CLDN11: variants seen among roughly 807,000 people sequenced by gnomAD.
The protein encoded by CLDN11 is claudin 11.
CLDN11 carries 1 observed loss-of-function variant against 18.0 expected under a neutral mutation model. That is an observed-to-expected ratio of 0.06 (90% confidence interval 0.02 to 0.26). The LOEUF is 0.26. Among genes scored for constraint, CLDN11 ranks in the 10% least tolerant of loss-of-function variants. The pLI is 1.00. For missense variants in CLDN11, 172 were observed against 276.6 expected, an observed-to-expected ratio of 0.62 and a Z score of 2.68; for synonymous variants, 116 against 121.5, an observed-to-expected ratio of 0.96 and a Z score of 0.30.
At chr3:170,423,599 G>C (rs1738773055) in intron 2 of CLDN11, 1 of 421,058 alleles carries the variant, frequency 2.4e-6, no homozygotes, top group East Asian at 4.1e-5. Flanking sequence ...GGAAAGACCT[G>C]AAAGATGGAA....
chr3:170,431,051 T>A (rs1253056144), intron 2 of CLDN11, among the ~76,000 whole-genome samples: 2 of 152,146 alleles, frequency 1.3e-5, no homozygotes, highest in Non-Finnish European at 2.9e-5. Flanking sequence ...CTATTGTCAA[T>A]AAAAATCTAT....
intron 2 of CLDN11, among the ~76,000 whole-genome samples, chr3:170,424,558 C>A (rs1738802787): frequency 6.6e-6 from 1 of 152,164 alleles, no homozygotes; most frequent in Non-Finnish European, 1.5e-5. Context: ...CCCTCAGATG[C>A]TAGTTTCATT....
Position 170,432,521 on chromosome 3 carries a change from C to T in CLDN11, c.392-3C>T. 1 of 1,612,118 alleles carries T rather than the reference C, an allele frequency of 6.2e-7. No individual in the cohort carries two copies. The highest frequency in any genetic ancestry group is 8.5e-7 in the Non-Finnish European group (1 of 1,180,034). On this transcript the variant is annotated splice_polypyrimidine_tract_variant and splice_region_variant and intron_variant, in intron 2 of 2. Coordinates refer to ENST00000064724, the MANE Select transcript of CLDN11 (RefSeq NM_005602.6). ...CAGTCACCGCCTCTCCATGTCTCTCCAGCTCTCTGCGCCCTTGTTGCCACC... is the reference window on the plus strand; with the variant it reads ...CAGTCACCGCCTCTCCATGTCTCTCTAGCTCTCTGCGCCCTTGTTGCCACC...
chr3:170,418,912 G>A lies in CLDN11; in HGVS notation c.-155G>A. ...TGCGCCCTTCGCCGCTGAGCTCGCA[G>A]CCTCCGGCGCCCACCTCCACCTCCA... On this transcript the variant is annotated 5_prime_UTR_variant, in exon 1 of 3. Transcript: ENST00000064724. This position sits in a 1 kb window ranked among gnomAD's most constrained non-coding sequence, Gnocchi z 4.3. 1 of 598,148 alleles carries A rather than the reference G, an allele frequency of 1.7e-6. No individual in the cohort carries two copies. Among genetic ancestry groups the A allele is most frequent in the Non-Finnish European group, 2.9e-6 (1 of 341,320 alleles). 37.1% of individuals were successfully genotyped at this position (598,148 alleles called of 1,614,324 possible).
At chr3:170,431,395 G>A (rs1026547069) in intron 2 of CLDN11, among the ~76,000 whole-genome samples, 12 of 152,244 alleles carry the variant, frequency 7.9e-5, no homozygotes, top group Non-Finnish European at 1.3e-4. Flanking sequence ...ACTTTAATGT[G>A]CCATCTCAAC....
chr3:170,422,137 G>A (rs1044380342), intron 1 of CLDN11, among the ~76,000 whole-genome samples: 1 of 152,130 alleles, frequency 6.6e-6, no homozygotes, highest in Non-Finnish European at 1.5e-5. Context: ...GCAGCCTCTG[G>A]GGAGACAGCA....
chr3:170,424,946 CGT>C (rs932621957), intron 2 of CLDN11, among the ~76,000 whole-genome samples: 18 of 124,954 alleles, frequency 1.4e-4, no homozygotes, highest in Admixed American at 3.4e-4. Context: ...TGTGTGCGCG[CGT>C]GTGTGTGTGT....
intron 2 of CLDN11, among the ~76,000 whole-genome samples, chr3:170,426,814 C>G (rs1738865359): frequency 6.6e-6 from 1 of 152,140 alleles, no homozygotes; most frequent in Non-Finnish European, 1.5e-5. Flanking sequence ...CGGACCTTTG[C>G]TCTGTCGCCC....
rs1738662928 is a variant in CLDN11, at chr3:170,419,252, G to A, written c.186G>A (p.Leu62=). Residue 62 remains leucine (L), a synonymous_variant, in exon 1 of 3, where the codon CTG becomes CTA. Coordinates refer to ENST00000064724, the MANE Select transcript of CLDN11 (RefSeq NM_005602.6). This position sits in a 1 kb window ranked among gnomAD's most constrained non-coding sequence, Gnocchi z 8.6. ...LWADCVMATG[L]YHCKPLVDIL... ...CCGACTGCGTCATGGCCACGGGGCT[G>A]TACCACTGCAAGCCCCTGGTGGACA... 1.3e-6 allele frequency: 2 copies of A among 1,574,388 alleles called. No homozygotes were observed. Among genetic ancestry groups the A allele is most frequent in the South Asian group, 2.3e-5 (2 of 85,460 alleles).
At position 170,434,278 on chromosome 3, in the gene CLDN11, G is replaced by A. The variant is rs1321494299; in HGVS notation, c.*1522G>A. Among the ~76,000 whole-genome samples the A allele has an allele frequency of 2.6e-5, 4 of 152,144 alleles. No individual in the cohort carries two copies. The highest frequency in any genetic ancestry group is 9.7e-5 in the African/African-American group (4 of 41,426). ...CACGGTATTGCAGTGGTAATTTGTG[G>A]TCATGAAAGCATAACCTCAGTGCTC... On this transcript the variant is annotated 3_prime_UTR_variant, in exon 3 of 3. Transcript: ENST00000064724.
rs529384923 is a variant in CLDN11, at chr3:170,431,717, T to C, written c.392-807T>C. Among the ~76,000 whole-genome samples the C allele has an allele frequency of 7.2e-5, 11 of 152,336 alleles. No homozygotes were observed. In the East Asian group the frequency reaches 2.1e-3, roughly 29 times the overall value. On this transcript the variant is annotated intron_variant, in intron 2 of 2. Transcript: ENST00000064724. ...CTATTTCTTATTTTACTCTATAAAA[T>C]CAAAACCAAAATGAAGATTAGATTG...
At chr3:170,423,412 A>G (rs1738768781) in intron 2 of CLDN11, 85 bp downstream of exon 2, 1 of 1,495,546 alleles carries the variant, frequency 6.7e-7, no homozygotes, top group Non-Finnish European at 9.2e-7. Flanking sequence ...CTCAAGTTCA[A>G]GAGAAATGTG....
In CLDN11 at chr3:170,423,200, C is replaced by T. The variant is rs761408290; in HGVS notation, c.264C>T (p.Ala88=). The part of the protein sequence containing the change: ...VQACRALMIA[A]SVLGLPAILL... ...CCTGCCGCGCCCTGATGATTGCTGC[C>T]TCGGTCCTGGGTCTGCCGGCCATTT... The change falls in exon 2 of 3, where the codon GCC becomes GCT. Residue 88 remains alanine (A), a synonymous_variant. Coordinates refer to ENST00000064724, the MANE Select transcript of CLDN11 (RefSeq NM_005602.6). 2 of 1,614,216 alleles carry T rather than the reference C, an allele frequency of 1.2e-6. No individual in the cohort carries two copies. Among genetic ancestry groups the T allele is most frequent in the Middle Eastern group, 3.3e-4 (2 of 6,062 alleles).
chr3:170,427,734 A>G (rs908354756), intron 2 of CLDN11, among the ~76,000 whole-genome samples: 10 of 151,312 alleles, frequency 6.6e-5, no homozygotes, highest in African/African-American at 1.2e-4. Context: ...GCTTGAACCC[A>G]TGTGGCAGAG....
chr3:170,430,543 CTTT>C (rs11346564), intron 2 of CLDN11, among the ~76,000 whole-genome samples: 4 of 146,028 alleles, frequency 2.7e-5, no homozygotes, highest in African/African-American at 2.5e-5. Flanking sequence ...TTCTTTTTCT[CTTT>C]TTTTTTTTTT....
At chr3:170,421,277 A>G (rs1738716487) in intron 1 of CLDN11, 6 of 985,778 alleles carry the variant, frequency 6.1e-6, no homozygotes, top group Non-Finnish European at 7.2e-6. Context: ...GCACTGTAGC[A>G]TGTGGACAGC....
Position 170,432,775 on chromosome 3 carries a change from C to G in CLDN11, c.*19C>G. The G allele has an allele frequency of 6.2e-7, 1 of 1,611,402 alleles. No homozygotes were observed. Among genetic ancestry groups the G allele is most frequent in the Non-Finnish European group, 8.5e-7 (1 of 1,177,498 alleles). On this transcript the variant is annotated 3_prime_UTR_variant, in exon 3 of 3. Coordinates refer to ENST00000064724, the MANE Select transcript of CLDN11 (RefSeq NM_005602.6). Reference sequence around the variant, plus strand: ...CGTATAAGAGGGCTGCCCGGCTGCCCACAGAGGTGCTGTAGATGCTGGGCC... The same window carrying G: ...CGTATAAGAGGGCTGCCCGGCTGCCGACAGAGGTGCTGTAGATGCTGGGCC...
chr3:170,419,128 T>C lies in CLDN11; in HGVS notation c.62T>C (p.Val21Ala). The C allele has an allele frequency of 6.4e-7, 1 of 1,551,444 alleles. No homozygotes were observed. The highest frequency in any genetic ancestry group is 1.4e-5 in the African/African-American group (1 of 72,972). Residue 21 changes from valine (V) to alanine (A), a missense_variant, in exon 1 of 3, where the codon GTC (valine) becomes GCC (alanine). Val to Ala is a moderately conservative substitution (Grantham distance 64, BLOSUM62 0). Coordinates refer to ENST00000064724, the MANE Select transcript of CLDN11 (RefSeq NM_005602.6). The surrounding 1 kb of genome is among the most constrained non-coding windows in gnomAD (Gnocchi z 8.6). ...FVTSFVGWIGVIVTTSTNDWV... is the reference protein window; with the variant it reads ...FVTSFVGWIGAIVTTSTNDWV... ...ACGAGCTTCGTGGGCTGGATCGGGG[T>C]CATCGTGACCACCTCCACCAATGAC...
rs138100932 is a variant in CLDN11, at chr3:170,432,531, C to G, written c.399C>G (p.Cys133Trp). The stretch of plus-strand genomic sequence containing the variant: ...CTCTCCATGTCTCTCCAGCTCTCTG[C>G]GCCCTTGTTGCCACCATCTGGTTCC... Reference protein sequence around the residue: ...AGVLLILLALCALVATIWFPV... With the variant: ...AGVLLILLALWALVATIWFPV... The change falls in exon 3 of 3, where the codon TGC becomes TGG. Residue 133 changes from cysteine (C) to tryptophan (W), a missense_variant. By Grantham distance (215) the Cys-to-Trp change is radical. Coordinates refer to ENST00000064724, the MANE Select transcript of CLDN11 (RefSeq NM_005602.6). 1 of 1,612,690 alleles carries G rather than the reference C, an allele frequency of 6.2e-7. No homozygotes were observed. Among genetic ancestry groups the G allele is most frequent in the Non-Finnish European group, 8.5e-7 (1 of 1,180,024 alleles).
Sources: gnomAD v4.1 joint callset for allele counts (sites outside exome capture counted in the v4.1 genomes callset) on GRCh38, gnomAD v4.1.1 for gene constraint, Gnocchi (gnomAD v3.1) non-coding constraint, MANE v1.5 for transcripts, NCBI Gene and HGNC (gene_info 2026-07-23, HGNC 2026-07-21) for gene names.